AGBL1: variants seen among roughly 807,000 people sequenced by gnomAD.
AGBL1 encodes the protein AGBL carboxypeptidase 1.
AGBL1 carries 130 observed loss-of-function variants against 118.9 expected under a neutral mutation model. That is an observed-to-expected ratio of 1.09 (90% CI 0.95 to 1.26). AGBL1 has a LOEUF of 1.26. Ranked by LOEUF, AGBL1 falls within the 50% of genes most tolerant of loss-of-function variation. The pLI, the probability that AGBL1 is intolerant of heterozygous loss-of-function variation, is 0.00. For missense variants in AGBL1, 1,584 were observed against 1,298.1 expected (o/e 1.22, Z -3.38); for synonymous variants, 555 against 478.9 (o/e 1.16, Z -2.08).
intron 22 of AGBL1, among the ~76,000 whole-genome samples, chr15:86,838,808 G>T (rs565379210): frequency 2.0e-5 from 3 of 151,636 alleles, no homozygotes; most frequent in African/African-American, 7.3e-5. Flanking sequence ...GTTGGACATG[G>T]TGGTGCATGC....
At chr15:86,171,147 A>G (rs1282090345) in intron 5 of AGBL1, among the ~76,000 whole-genome samples, 3 of 152,208 alleles carry the variant, frequency 2.0e-5, no homozygotes, top group Non-Finnish European at 4.4e-5. Flanking sequence ...TATTAAAAGA[A>G]AACTTTAGGC....
At chr15:86,305,247 G>A (rs1281115059) in intron 17 of AGBL1, among the ~76,000 whole-genome samples, 1 of 151,970 alleles carries the variant, frequency 6.6e-6, no homozygotes, top group Non-Finnish European at 1.5e-5. Flanking sequence ...TAAAATATGT[G>A]GTTTTCATAA....
intron 21 of AGBL1, among the ~76,000 whole-genome samples, chr15:86,570,600 T>C (rs2083991699): frequency 6.6e-6 from 1 of 152,196 alleles, no homozygotes; most frequent in Admixed American, 6.5e-5. Context: ...TTAATGAGCA[T>C]ATAATGACAT....
chr15:86,912,630 T>C lies in AGBL1; in HGVS notation c.*5336T>C, dbSNP rs1421740455. ...AGGTCATATTACACCCTTTCATTTA[T>C]CAGCCTGGAAAATGGTGCCGTAGAG... On this transcript the variant is annotated 3_prime_UTR_variant, in exon 23 of 23. Transcript: ENST00000614907. The C allele has an allele frequency of 3.3e-5, 5 of 152,206 alleles. No homozygotes were observed. Among genetic ancestry groups the C allele is most frequent in the Non-Finnish European group, 7.3e-5 (5 of 68,044 alleles). The allele number at this position is 152,206 out of a possible 1,614,324, so 9.4% of individuals were successfully genotyped here. A position where few individuals can be genotyped will look rare whatever the true frequency, so the allele number is the denominator to read the frequency against.
At chr15:86,868,529 ACATAATTCTAAGTACTTTC>A (rs1422209435) in intron 22 of AGBL1, among the ~76,000 whole-genome samples, 4 of 152,264 alleles carry the variant, frequency 2.6e-5, no homozygotes, top group Non-Finnish European at 5.9e-5. Flanking sequence ...TTCAACTATC[ACATAATTCTAAGTACTTTC>A]GAATCTAGTG....
intron 17 of AGBL1, among the ~76,000 whole-genome samples, chr15:86,335,915 T>A (rs1205587052): frequency 6.6e-6 from 1 of 152,226 alleles, no homozygotes; most frequent in Non-Finnish European, 1.5e-5. Flanking sequence ...AGAACATGCA[T>A]GTGTTCTGGT....
intron 22 of AGBL1, among the ~76,000 whole-genome samples, chr15:86,693,758 G>C (rs2086211310): frequency 6.6e-6 from 1 of 152,026 alleles, no homozygotes; most frequent in Admixed American, 6.6e-5. Flanking sequence ...GATCCATCTT[G>C]AGTTGATTTT....
At chr15:86,471,594 AT>A (rs2082480400) in intron 18 of AGBL1, among the ~76,000 whole-genome samples, 1 of 151,252 alleles carries the variant, frequency 6.6e-6, no homozygotes, top group African/African-American at 2.4e-5. Context: ...CTCCTCTTCA[AT>A]TTTTTTGTAT....
chr15:86,148,774 G>A (rs912840547), intron 3 of AGBL1, among the ~76,000 whole-genome samples: 2 of 152,118 alleles, frequency 1.3e-5, no homozygotes, highest in Non-Finnish European at 2.9e-5. Context: ...GAAATACAGA[G>A]AACGCCACAA....
intron 15 of AGBL1, among the ~76,000 whole-genome samples, chr15:86,277,823 A>G (rs1461314148): frequency 6.6e-6 from 1 of 152,218 alleles, no homozygotes; most frequent in Non-Finnish European, 1.5e-5. Flanking sequence ...CTGCCTTTAC[A>G]TTCATGAATA....
intron 22 of AGBL1, among the ~76,000 whole-genome samples, chr15:86,700,468 TAC>T (rs67457435): frequency 0.083 from 9,492 of 114,584 alleles, 355 homozygotes; most frequent in Non-Finnish European, 0.11. Flanking sequence ...AGCAGACTAA[TAC>T]ACACACACAC....
chr15:86,448,375 G>C (rs2082152376), intron 18 of AGBL1, among the ~76,000 whole-genome samples: 2 of 152,184 alleles, frequency 1.3e-5, no homozygotes, highest in South Asian at 4.1e-4. Flanking sequence ...TCTCAGGTCA[G>C]ACAGGCATCC....
At chr15:86,467,711 C>G (rs1277143330) in intron 18 of AGBL1, among the ~76,000 whole-genome samples, 1 of 152,170 alleles carries the variant, frequency 6.6e-6, no homozygotes, top group African/African-American at 2.4e-5. Flanking sequence ...TCAGGGCTTC[C>G]CTTGGCTAGG....
intron 22 of AGBL1, among the ~76,000 whole-genome samples, chr15:86,877,614 GT>G (rs945693939): frequency 3.3e-5 from 5 of 152,150 alleles, no homozygotes; most frequent in Non-Finnish European, 7.3e-5. Context: ...TCCAAGTCCA[GT>G]TAGAACTTTG....
At chr15:86,493,858 T>C (rs1160106089) in intron 18 of AGBL1, among the ~76,000 whole-genome samples, 1 of 152,024 alleles carries the variant, frequency 6.6e-6, no homozygotes, top group African/African-American at 2.4e-5. Flanking sequence ...CCTTGCCCAC[T>C]TCCCCCTCCC....
chr15:86,210,131 T>C (rs967323115), intron 5 of AGBL1, among the ~76,000 whole-genome samples: 5 of 152,226 alleles, frequency 3.3e-5, no homozygotes, highest in Non-Finnish European at 7.3e-5. Context: ...TTAAGAATGT[T>C]GAATATTGGC....
intron 18 of AGBL1, among the ~76,000 whole-genome samples, chr15:86,516,150 C>G (rs773221394): frequency 6.6e-6 from 1 of 152,172 alleles, no homozygotes; most frequent in Non-Finnish European, 1.5e-5. Flanking sequence ...CTTAGTGAAA[C>G]AACAGGGCAG....
At chr15:86,562,859 G>C (rs934175029) in intron 21 of AGBL1, among the ~76,000 whole-genome samples, 1 of 119,296 alleles carries the variant, frequency 8.4e-6, no homozygotes, top group Non-Finnish European at 1.9e-5. Flanking sequence ...ACTTCTTCCT[G>C]GTTTAGTCTT....
intron 18 of AGBL1, among the ~76,000 whole-genome samples, chr15:86,414,964 TG>T (rs1198876105): frequency 2.0e-5 from 3 of 152,188 alleles, no homozygotes; most frequent in African/African-American, 7.2e-5. Context: ...GATGGAGACT[TG>T]CTGTAGGAAA....
Sources: allele counts gnomAD v4.1 joint callset (sites outside exome capture counted in the v4.1 genomes callset), GRCh38; gene constraint gnomAD v4.1.1; transcripts MANE v1.5; gene names NCBI Gene and HGNC (gene_info 2026-07-23, HGNC 2026-07-21).